Variants in LRP6 observed in about 807,000 individuals in gnomAD.
The protein encoded by LRP6 is LDL receptor related protein 6, also known as low-density lipoprotein receptor-related protein 6.
LRP6 carries 43 observed loss-of-function variants against 184.1 expected under a neutral mutation model. The ratio of observed to expected loss-of-function variants is 0.23; its 90% CI spans 0.18 to 0.30. The LOEUF (loss-of-function observed/expected upper bound fraction) is 0.30, where lower values mean the gene tolerates loss of function less well. LRP6 is among the 10% of genes least tolerant of loss of function. The probability of loss-of-function intolerance (pLI) is 1.00; values close to 1 mark genes in which losing one functional copy is unlikely to be tolerated. For missense variants in LRP6, 1,571 were observed against 2,005.3 expected (o/e 0.78, Z 4.14); for synonymous variants, 719 against 684.9 (o/e 1.05, Z -0.78).
intron 2 of LRP6, among the ~76,000 whole-genome samples, chr12:12,242,215 T>C (rs1865085067): frequency 6.6e-6 from 1 of 152,186 alleles, no homozygotes; most frequent in African/African-American, 2.4e-5. Flanking sequence ...TCTTCCTCTC[T>C]TCACATTCAT....
intron 3 of LRP6, among the ~76,000 whole-genome samples, chr12:12,192,836 A>G (rs145628380): frequency 2.0e-3 from 308 of 152,196 alleles, no homozygotes; most frequent in Non-Finnish European, 3.6e-3. Context: ...GAACAACTAG[A>G]TAGAAAATTA....
At chr12:12,164,180 A>T in intron 9 of LRP6, 93 bp downstream of exon 9, 2 of 1,170,338 alleles carry the variant, frequency 1.7e-6, no homozygotes, top group Non-Finnish European at 2.5e-6. Context: ...CCTGTCAAAC[A>T]ATGAGGGAGG....
intron 19 of LRP6, among the ~76,000 whole-genome samples, chr12:12,128,889 A>G (rs1226447748): frequency 6.6e-6 from 1 of 152,108 alleles, no homozygotes; most frequent in Non-Finnish European, 1.5e-5. Context: ...TACTTCTGAA[A>G]CAACTCCGAA....
At chr12:12,222,574 AAAAAG>A (rs1463807163) in intron 2 of LRP6, among the ~76,000 whole-genome samples, 5 of 124,302 alleles carry the variant, frequency 4.0e-5, no homozygotes, top group African/African-American at 1.1e-4. Context: ...CTCAAAAAAA[AAAAAG>A]AAAGAAAGAA....
At chr12:12,201,838 T>A (rs1863920145) in intron 3 of LRP6, among the ~76,000 whole-genome samples, 1 of 152,206 alleles carries the variant, frequency 6.6e-6, no homozygotes, top group South Asian at 2.1e-4. Context: ...TTGTTATATG[T>A]CATTTCACTC....
rs531816086 is a variant in LRP6, at chr12:12,167,799, A to C, written c.1546-2504T>G. ...TTTATTAAAATGCTTTAGTTCCTAA[A>C]TGTAAACAGCTAAATGATTGTATTT... On this transcript the variant is annotated intron_variant, in intron 7 of 22. Coordinates refer to ENST00000261349, the MANE Select transcript of LRP6 (RefSeq NM_002336.3). 1.6e-3 allele frequency among the ~76,000 whole-genome samples: 247 copies of C among 152,366 alleles called. 1 individual carries two copies. Among genetic ancestry groups the C allele is most frequent in the African/African-American group, 5.8e-3 (241 of 41,586 alleles).
intron 12 of LRP6, chr12:12,155,804 T>G (rs548962875): frequency 2.9e-6 from 2 of 697,400 alleles, no homozygotes; most frequent in East Asian, 2.6e-5. Context: ...ACTTCTGGAC[T>G]GTTAAAAAAA....
At chr12:12,133,016 T>C (rs1172516933) in intron 17 of LRP6, among the ~76,000 whole-genome samples, 1 of 152,224 alleles carries the variant, frequency 6.6e-6, no homozygotes, top group Non-Finnish European at 1.5e-5. Flanking sequence ...CAGAGAATAT[T>C]GCAGATTACA....
At chr12:12,162,889 T>C (rs1414062653) in intron 9 of LRP6, among the ~76,000 whole-genome samples, 4 of 152,196 alleles carry the variant, frequency 2.6e-5, no homozygotes, top group Non-Finnish European at 5.9e-5. Context: ...AAACTAATAA[T>C]AGATACATCT....
intron 7 of LRP6, among the ~76,000 whole-genome samples, chr12:12,176,941 G>A (rs183139690): frequency 1.1e-4 from 16 of 150,834 alleles, no homozygotes; most frequent in East Asian, 5.8e-4. Context: ...TCTGCCTGCC[G>A]GGTTCAAGTG....
intron 1 of LRP6, among the ~76,000 whole-genome samples, chr12:12,266,446 A>G (rs1028182002): frequency 1.3e-5 from 2 of 152,120 alleles, no homozygotes; most frequent in Non-Finnish European, 2.9e-5. Flanking sequence ...GCCGGGATCG[A>G]AGCTCCGATG....
chr12:12,222,477 G>C (rs1040901268), intron 2 of LRP6, among the ~76,000 whole-genome samples: 3 of 151,296 alleles, frequency 2.0e-5, no homozygotes, highest in Non-Finnish European at 4.4e-5. Flanking sequence ...TGAGGCAGGA[G>C]AATCGCTTGA....
intron 2 of LRP6, among the ~76,000 whole-genome samples, chr12:12,235,297 T>C (rs974827701): frequency 2.0e-5 from 3 of 152,192 alleles, no homozygotes; most frequent in Admixed American, 6.5e-5. Context: ...ATGATAATTT[T>C]GTGGTAGTAG....
chr12:12,187,185 T>A (rs1172558311), intron 3 of LRP6, 66 bp from the exon 4 acceptor site: 1 of 1,325,562 alleles, frequency 7.5e-7, no homozygotes, highest in Non-Finnish European at 1.1e-6. Flanking sequence ...TAACGTCACC[T>A]CTCCCATTAA....
At chr12:12,130,061 A>G (rs926678883) in intron 19 of LRP6, among the ~76,000 whole-genome samples, 2 of 152,106 alleles carry the variant, frequency 1.3e-5, no homozygotes, top group African/African-American at 4.8e-5. Context: ...TAATTTTCTT[A>G]TAGGCATCAG....
rs1056889450 is a variant in LRP6 at position 12,117,798 on chromosome 12, G to A, written c.*3328C>T. Reference sequence around the variant, plus strand: ...TCCAAAACTGCTACCTAATACAGATGATGGCTATTTTTAATACCTTCAATA... The same window carrying A: ...TCCAAAACTGCTACCTAATACAGATAATGGCTATTTTTAATACCTTCAATA... On this transcript the variant is annotated 3_prime_UTR_variant, in exon 23 of 23. Coordinates refer to ENST00000261349, the MANE Select transcript of LRP6 (RefSeq NM_002336.3). The A allele has an allele frequency of 2.6e-5, 4 of 152,150 alleles. No homozygotes were observed. Among genetic ancestry groups the A allele is most frequent in the Admixed American group, 6.5e-5 (1 of 15,276 alleles). 9.4% of individuals were successfully genotyped at this position (152,150 alleles called of 1,614,324 possible).
chr12:12,177,898 AAATGAACG>A (rs58947270), intron 7 of LRP6, among the ~76,000 whole-genome samples: 4,470 of 152,186 alleles, frequency 0.029, 200 homozygotes, highest in African/African-American at 0.098. Context: ...ATGAAGGAAC[AAATGAACG>A]AATGAACGAA....
intron 19 of LRP6, among the ~76,000 whole-genome samples, 170 bp from the exon 20 acceptor site, chr12:12,127,091 T>C (rs528988598): frequency 3.3e-5 from 5 of 152,210 alleles, no homozygotes; most frequent in Non-Finnish European, 5.9e-5. Flanking sequence ...TGAAGACATA[T>C]GAAATAAATG....
At chr12:12,164,795 A>G (rs1473708582) in intron 8 of LRP6, among the ~76,000 whole-genome samples, 3 of 152,004 alleles carry the variant, frequency 2.0e-5, no homozygotes, top group Admixed American at 6.6e-5. Flanking sequence ...AAAGTAAGGT[A>G]TATTATTCAT....
Sources: allele counts gnomAD v4.1 joint callset (sites outside exome capture counted in the v4.1 genomes callset), GRCh38; gene constraint gnomAD v4.1.1; transcripts MANE v1.5; gene names NCBI Gene and HGNC (gene_info 2026-07-23, HGNC 2026-07-21).